A4GALT: variants seen among roughly 807,000 people sequenced by gnomAD.
A4GALT encodes lactosylceramide 4-alpha-galactosyltransferase.
For synonymous variants in A4GALT, 257 were observed against 220.7 expected, an observed-to-expected ratio of 1.16 and a Z score of -1.46; for missense variants, 512 against 486.0, an observed-to-expected ratio of 1.05 and a Z score of -0.50.
intron 1 of A4GALT, among the ~76,000 whole-genome samples, chr22:42,713,993 T>A (rs75950186): frequency 7.4e-6 from 1 of 136,018 alleles, no homozygotes; most frequent in Non-Finnish European, 1.6e-5. Context: ...AAAATAAAAA[T>A]AAAAAAATTA....
chr22:42,702,846 T>G (rs932061911), intron 1 of A4GALT, among the ~76,000 whole-genome samples: 3 of 143,724 alleles, frequency 2.1e-5, no homozygotes, highest in Non-Finnish European at 4.4e-5. Flanking sequence ...GCCCAAATAA[T>G]GGGGTTGGCA....
intron 1 of A4GALT, among the ~76,000 whole-genome samples, chr22:42,707,436 A>T (rs1921249827): frequency 6.6e-6 from 1 of 152,004 alleles, no homozygotes; most frequent in South Asian, 2.1e-4. Context: ...CAGTCGGATC[A>T]GTTAAGGACA....
At chr22:42,706,421 G>C (rs891053320) in intron 1 of A4GALT, among the ~76,000 whole-genome samples, 1 of 146,458 alleles carries the variant, frequency 6.8e-6, no homozygotes, top group South Asian at 2.2e-4. Flanking sequence ...TTTTAGATTA[G>C]ATTTCAAGCA....
intron 1 of A4GALT, among the ~76,000 whole-genome samples, chr22:42,710,473 A>C (rs1190715564): frequency 1.3e-5 from 2 of 152,102 alleles, no homozygotes; most frequent in African/African-American, 2.4e-5. Flanking sequence ...AGGCAGCCAG[A>C]TTGCTTGAGC....
chr22:42,702,757 C>G (rs959126045), intron 1 of A4GALT, among the ~76,000 whole-genome samples: 1 of 131,470 alleles, frequency 7.6e-6, no homozygotes, highest in Non-Finnish European at 1.5e-5. Context: ...GGGTCCGGAG[C>G]CTTCGTGCAG....
rs1260854705 is a variant in A4GALT, at chr22:42,705,608, AAAAAGAAAAAG to A, written c.-187-9988_-187-9978del. Among the ~76,000 whole-genome samples the A allele has an allele frequency of 4.1e-5, 5 of 123,376 alleles. 2 individuals are homozygous for A. The highest frequency in any genetic ancestry group is 4.3e-4 in the East Asian group (2 of 4,668). 80.9% of individuals were successfully genotyped at this position (123,376 alleles called of 152,430 possible). A position where few individuals can be genotyped will look rare whatever the true frequency, so the allele number is the denominator to read the frequency against. Reference sequence around the variant, plus strand: ...ACAGAGATTCTGTCTCAAAAAAAAAAAAAAGAAAAAGAAAAAGAAAAAGAAGAAAATACTGG... The same window carrying A: ...ACAGAGATTCTGTCTCAAAAAAAAAAAAAAAGAAAAAGAAGAAAATACTGG... On this transcript the variant is annotated intron_variant, in intron 1 of 2. Coordinates refer to ENST00000642412, the MANE Select transcript of A4GALT (RefSeq NM_017436.7).
At chr22:42,719,871 C>G (rs1922542974) in intron 1 of A4GALT, among the ~76,000 whole-genome samples, 1 of 152,028 alleles carries the variant, frequency 6.6e-6, no homozygotes, top group Non-Finnish European at 1.5e-5. Context: ...TCGACGTTGG[C>G]GGAGGGGAGG....
At chr22:42,697,446 C>T (rs536758501) in intron 1 of A4GALT, among the ~76,000 whole-genome samples, 65 of 152,210 alleles carry the variant, frequency 4.3e-4, no homozygotes, top group African/African-American at 1.4e-3. Flanking sequence ...GTGAACCACG[C>T]GGACGGGTGG....
chr22:42,700,799 C>A (rs1931248621), intron 1 of A4GALT, among the ~76,000 whole-genome samples: 1 of 152,238 alleles, frequency 6.6e-6, no homozygotes, highest in South Asian at 2.1e-4. Context: ...ACGGAACAGG[C>A]CCTCAACAGA....
intron 1 of A4GALT, among the ~76,000 whole-genome samples, chr22:42,699,845 C>G (rs1029161421): frequency 6.6e-6 from 1 of 152,138 alleles, no homozygotes; most frequent in African/African-American, 2.4e-5. Context: ...GATTACCATT[C>G]GAATGGCAGA....
chr22:42,697,917 C>T (rs563379224), intron 1 of A4GALT, among the ~76,000 whole-genome samples: 1 of 152,178 alleles, frequency 6.6e-6, no homozygotes, highest in East Asian at 1.9e-4. Context: ...GCCAGGATTC[C>T]CCATGACTCA....
chr22:42,700,153 C>T (rs781348834), intron 1 of A4GALT, among the ~76,000 whole-genome samples: 6 of 152,140 alleles, frequency 3.9e-5, no homozygotes, highest in African/African-American at 9.7e-5. Context: ...ATGGGGCCAC[C>T]GCGCCCAGCG....
chr22:42,712,970 C>T (rs1921828663), intron 1 of A4GALT, among the ~76,000 whole-genome samples: 1 of 152,190 alleles, frequency 6.6e-6, no homozygotes, highest in Non-Finnish European at 1.5e-5. Flanking sequence ...CCCAGCATCA[C>T]CTACTGCGTG....
At chr22:42,705,296 A>G (rs930196461) in intron 1 of A4GALT, among the ~76,000 whole-genome samples, 5 of 152,148 alleles carry the variant, frequency 3.3e-5, no homozygotes, top group African/African-American at 1.2e-4. Context: ...TATAAAGAAA[A>G]TTCACTATGA....
intron 1 of A4GALT, among the ~76,000 whole-genome samples, chr22:42,718,831 G>A (rs182658598): frequency 3.3e-5 from 5 of 152,168 alleles, no homozygotes; most frequent in Non-Finnish European, 7.4e-5. Context: ...TTGTGAGCAC[G>A]CCTAGCAGGT....
chr22:42,719,910 A>C (rs897026334), intron 1 of A4GALT, among the ~76,000 whole-genome samples: 10 of 152,170 alleles, frequency 6.6e-5, no homozygotes, highest in African/African-American at 2.4e-5. Context: ...CGTGAGGGAA[A>C]GGTGGGTGCA....
At chr22:42,700,351 T>A (rs1257759263) in intron 1 of A4GALT, among the ~76,000 whole-genome samples, 1 of 152,224 alleles carries the variant, frequency 6.6e-6, no homozygotes, top group African/African-American at 2.4e-5. Flanking sequence ...ACTCTTCTCA[T>A]GTTCTTGGGG....
At chr22:42,702,356 T>C (rs5758874) in intron 1 of A4GALT, among the ~76,000 whole-genome samples, 48,506 of 146,640 alleles carry the variant, frequency 0.33, 8,632 homozygotes, top group South Asian at 0.42. Context: ...TTTTTTTTTT[T>C]CACAGATGGA....
In A4GALT at chr22:42,692,600, GGGGTGCCCTGA is replaced by G. The variant is rs779824495; in HGVS notation, c.*279_*289del. On this transcript the variant is annotated 3_prime_UTR_variant, in exon 3 of 3. Coordinates refer to ENST00000642412, the MANE Select transcript of A4GALT (RefSeq NM_017436.7). This position sits in a 1 kb window ranked among gnomAD's most constrained non-coding sequence, Gnocchi z 4.6. ...ACTGCCTGGCTTTCCGCACCACCTGGGGGTGCCCTGAGGTTCATCCTTCCTGCCTGTTGTCT... is the reference window on the plus strand; with the variant it reads ...ACTGCCTGGCTTTCCGCACCACCTGGGGTTCATCCTTCCTGCCTGTTGTCT... 7 of 565,764 alleles carry G rather than the reference GGGGTGCCCTGA, an allele frequency of 1.2e-5. No individual in the cohort carries two copies. The highest frequency in any genetic ancestry group is 1.1e-4 in the South Asian group (7 of 65,006). The allele number at this position is 565,764 out of a possible 1,614,324, so 35.0% of individuals were successfully genotyped here.
Sources: allele counts gnomAD v4.1 joint callset (sites outside exome capture counted in the v4.1 genomes callset), GRCh38; gene constraint gnomAD v4.1.1; non-coding constraint Gnocchi (gnomAD v3.1); transcripts MANE v1.5; gene names NCBI Gene and HGNC (gene_info 2026-07-23, HGNC 2026-07-21).